The following TMEM178B variants were observed in gnomAD, a reference collection of about 807,000 sequenced individuals.
The protein encoded by TMEM178B is transmembrane protein 178B.
A neutral mutation model predicts 31.0 loss-of-function variants in TMEM178B; 5 were observed. That is an observed-to-expected ratio of 0.16 (90% CI 0.08 to 0.34). The LOEUF (loss-of-function observed/expected upper bound fraction) is 0.34, where lower values mean the gene tolerates loss of function less well. Ranked by LOEUF, TMEM178B falls within the 10% of genes least tolerant of loss-of-function variation. The probability of loss-of-function intolerance (pLI) is 1.00; values close to 1 mark genes in which losing one functional copy is unlikely to be tolerated. For missense variants in TMEM178B, 275 were observed against 400.3 expected, an observed-to-expected ratio of 0.69 and a Z score of 2.67; for synonymous variants, 164 against 164.0, an observed-to-expected ratio of 1.00 and a Z score of 0.00.
chr7:141,417,285 A>C (rs1253052190), intron 2 of TMEM178B, among the ~76,000 whole-genome samples: 2 of 152,216 alleles, frequency 1.3e-5, no homozygotes, highest in East Asian at 3.8e-4. Context: ...GAAGAAAAAA[A>C]TGCAGCCTCT....
At position 141,321,996 on chromosome 7, in the gene TMEM178B, C is replaced by G. The variant is rs184033819; in HGVS notation, c.496+109292C>G. On this transcript the variant is annotated intron_variant, in intron 2 of 3. Transcript: ENST00000565468. Reference sequence around the variant, plus strand: ...CGTATATTTTGTGGAGCTCCTCGTTCTGTTTTGTGCTGGGAAATGAGAAGG... The same window carrying G: ...CGTATATTTTGTGGAGCTCCTCGTTGTGTTTTGTGCTGGGAAATGAGAAGG... Among the ~76,000 whole-genome samples, 885 of 151,946 alleles carry G rather than the reference C, an allele frequency of 5.8e-3. 9 individuals carry two copies. Among genetic ancestry groups the G allele is most frequent in the Non-Finnish European group, 6.9e-3 (469 of 67,980 alleles).
intron 1 of TMEM178B, among the ~76,000 whole-genome samples, chr7:141,101,455 T>C (rs925842641): frequency 1.3e-5 from 2 of 152,226 alleles, no homozygotes; most frequent in African/African-American, 4.8e-5. Flanking sequence ...ATGGTTGAAG[T>C]GATTAACTCC....
chr7:141,391,798 G>A (rs542447184), intron 2 of TMEM178B, among the ~76,000 whole-genome samples: 1 of 152,152 alleles, frequency 6.6e-6, no homozygotes, highest in South Asian at 2.1e-4. Flanking sequence ...TTTTGTGAGT[G>A]GCTCATTTCA....
intron 1 of TMEM178B, among the ~76,000 whole-genome samples, chr7:141,179,078 C>T (rs964954797): frequency 2.0e-5 from 3 of 152,084 alleles, no homozygotes; most frequent in African/African-American, 7.2e-5. Flanking sequence ...TGCTAGAGAG[C>T]TACTGATTTT....
chr7:141,321,519 C>T (rs1412399973), intron 2 of TMEM178B, among the ~76,000 whole-genome samples: 8 of 152,168 alleles, frequency 5.3e-5, no homozygotes, highest in Non-Finnish European at 1.0e-4. Flanking sequence ...TCACTATTCA[C>T]GCCTACAGCC....
chr7:141,410,690 G>A (rs1563174885), intron 2 of TMEM178B, among the ~76,000 whole-genome samples: 1 of 152,046 alleles, frequency 6.6e-6, no homozygotes, highest in Non-Finnish European at 1.5e-5. Flanking sequence ...GCGGAGCCAG[G>A]TCCTAACCCA....
chr7:141,405,842 G>T (rs758898246), intron 2 of TMEM178B, among the ~76,000 whole-genome samples: 3 of 152,192 alleles, frequency 2.0e-5, no homozygotes, highest in African/African-American at 7.2e-5. Context: ...GGGCTTCCTG[G>T]TGTCACGAAG....
chr7:141,350,669 T>C (rs1446810820), intron 2 of TMEM178B, among the ~76,000 whole-genome samples: 1 of 152,152 alleles, frequency 6.6e-6, no homozygotes, highest in Non-Finnish European at 1.5e-5. Flanking sequence ...GTAATATATG[T>C]TTACCAGGTT....
At position 141,476,568 on chromosome 7, in the gene TMEM178B, A is replaced by G. The variant is rs1229999337; in HGVS notation, c.*5782A>G. 1 of 152,188 alleles carries G rather than the reference A, an allele frequency of 6.6e-6. No homozygotes were observed. Among genetic ancestry groups the G allele is most frequent in the Non-Finnish European group, 1.5e-5 (1 of 68,040 alleles). The allele number at this position is 152,188 out of a possible 1,614,324, so 9.4% of individuals were successfully genotyped here. A position where few individuals can be genotyped will look rare whatever the true frequency, so the allele number is the denominator to read the frequency against. On this transcript the variant is annotated 3_prime_UTR_variant, in exon 4 of 4. Transcript: ENST00000565468. Reference sequence around the variant, plus strand: ...TTTAGGATGAGACCAAGTCTCAAGGAGCTGGGATCTTCTTTCTCTTGTCAG... The same window carrying G: ...TTTAGGATGAGACCAAGTCTCAAGGGGCTGGGATCTTCTTTCTCTTGTCAG...
At chr7:141,095,043 G>GA (rs1009646197) in intron 1 of TMEM178B, among the ~76,000 whole-genome samples, 3 of 152,036 alleles carry the variant, frequency 2.0e-5, no homozygotes, top group Admixed American at 6.6e-5. Flanking sequence ...TCCTTTCTTG[G>GA]AAAAAAGAGT....
downstream of TMEM178B, among the ~76,000 whole-genome samples, chr7:141,481,187 C>T (rs1338833356): frequency 5.9e-5 from 9 of 152,348 alleles, no homozygotes. Context: ...GGATGAATCC[C>T]CAGGGCCCTT....
chr7:141,216,423 C>CTGTGTGTG (rs575369422), intron 2 of TMEM178B, among the ~76,000 whole-genome samples: 1,153 of 89,384 alleles, frequency 0.013, 26 homozygotes, highest in African/African-American at 0.02. Flanking sequence ...AGGATGAAGC[C>CTGTGTGTG]TGTGTGTGTG....
At chr7:141,278,829 A>T (rs1251400187) in intron 2 of TMEM178B, among the ~76,000 whole-genome samples, 1 of 152,188 alleles carries the variant, frequency 6.6e-6, no homozygotes, top group Non-Finnish European at 1.5e-5. Flanking sequence ...GTGAAATTTA[A>T]GAATAATCGT....
At chr7:141,295,767 G>T (rs940736723) in intron 2 of TMEM178B, among the ~76,000 whole-genome samples, 2 of 152,190 alleles carry the variant, frequency 1.3e-5, no homozygotes, top group African/African-American at 4.8e-5. Flanking sequence ...AATTAGAGCA[G>T]GTATTTTGGC....
At chr7:141,408,226 A>T (rs959221221) in intron 2 of TMEM178B, among the ~76,000 whole-genome samples, 3 of 151,282 alleles carry the variant, frequency 2.0e-5, no homozygotes, top group African/African-American at 7.3e-5. Flanking sequence ...AAGAAAGGAG[A>T]GCTAGTCCAG....
chr7:141,094,429 C>A (rs1332376454), intron 1 of TMEM178B, among the ~76,000 whole-genome samples: 1 of 152,102 alleles, frequency 6.6e-6, no homozygotes, highest in African/African-American at 2.4e-5. Flanking sequence ...GGAAAGTGAA[C>A]CTTACTCTAT....
intron 2 of TMEM178B, among the ~76,000 whole-genome samples, chr7:141,364,044 G>A (rs184878507): frequency 6.6e-6 from 1 of 151,958 alleles, no homozygotes; most frequent in South Asian, 2.1e-4. Context: ...CCTAATATCT[G>A]TTTAGGCTTT....
At chr7:141,293,806 A>T (rs1446417949) in intron 2 of TMEM178B, among the ~76,000 whole-genome samples, 1 of 152,216 alleles carries the variant, frequency 6.6e-6, no homozygotes, top group East Asian at 1.9e-4. Flanking sequence ...ACCTGTAACC[A>T]GCACCATGCC....
chr7:141,324,200 T>C (rs938300855), intron 2 of TMEM178B, among the ~76,000 whole-genome samples: 3 of 151,886 alleles, frequency 2.0e-5, no homozygotes, highest in Admixed American at 1.3e-4. Context: ...ATTATATGAA[T>C]TGTATTTTCA....
Sources: gnomAD v4.1 joint callset for allele counts (sites outside exome capture counted in the v4.1 genomes callset) on GRCh38, gnomAD v4.1.1 for gene constraint, MANE v1.5 for transcripts, NCBI Gene and HGNC (gene_info 2026-07-23, HGNC 2026-07-21) for gene names.